CACNA1C: variants seen among roughly 807,000 people sequenced by gnomAD.
CACNA1C encodes voltage-dependent L-type calcium channel subunit alpha-1C.
Under a neutral mutation model 229.0 loss-of-function variants are expected in CACNA1C, and 30 were observed. The ratio of observed to expected loss-of-function variants is 0.13; its 90% confidence interval spans 0.10 to 0.18. The LOEUF is 0.18. Ranked by LOEUF, CACNA1C falls within the 10% of genes least tolerant of loss-of-function variation. The pLI, the probability that CACNA1C is intolerant of heterozygous loss-of-function variation, is 1.00. For synonymous variants in CACNA1C, 1,114 were observed against 1,132.5 expected (o/e 0.98, Z 0.33); for missense variants, 1,658 against 2,845.0 (o/e 0.58, Z 9.49).
chr12:2,409,886 A>G (rs981710336), intron 3 of CACNA1C, among the ~76,000 whole-genome samples: 45 of 152,208 alleles, frequency 3.0e-4, no homozygotes, highest in African/African-American at 9.9e-4. Flanking sequence ...AGTCCCTCTC[A>G]GGTCAGGGAG....
At chr12:2,299,589 C>G (rs2094393162) in intron 3 of CACNA1C, among the ~76,000 whole-genome samples, 1 of 152,146 alleles carries the variant, frequency 6.6e-6, no homozygotes, top group Non-Finnish European at 1.5e-5. Context: ...ATACAGATTC[C>G]TAGGCCTCAT....
chr12:2,340,934 G>A (rs6489365), intron 3 of CACNA1C, among the ~76,000 whole-genome samples: 22,700 of 151,312 alleles, frequency 0.15, 2,107 homozygotes, highest in African/African-American at 0.26. Context: ...CCCAGCCTGG[G>A]CGACAGAGTG....
chr12:2,004,628 T>G, intron 1 of CACNA1C: 1 of 720,224 alleles, frequency 1.4e-6, no homozygotes, highest in South Asian at 1.9e-5. Flanking sequence ...CCCCGCCCAC[T>G]GAGGATCGTT....
chr12:2,013,647 T>G (rs1301054627), intron 1 of CACNA1C, among the ~76,000 whole-genome samples: 4 of 152,208 alleles, frequency 2.6e-5, no homozygotes, highest in Non-Finnish European at 1.5e-5. Flanking sequence ...TTTCAGGACC[T>G]GTTGTGACTG....
intron 3 of CACNA1C, among the ~76,000 whole-genome samples, chr12:2,289,430 A>G (rs1239673101): frequency 1.3e-5 from 2 of 152,138 alleles, no homozygotes; most frequent in Non-Finnish European, 2.9e-5. Context: ...TCAGAAGCCC[A>G]TTTTCCTGTG....
Position 1,999,853 on chromosome 12 carries a change from C to T in CACNA1C, c.139+28652C>T, listed in dbSNP as rs572420643. Among the ~76,000 whole-genome samples, 15 of 152,336 alleles carry T rather than the reference C, an allele frequency of 9.8e-5. No individual in the cohort carries two copies. The East Asian group carries it at 2.9e-3, about 29-fold the overall frequency. ...ACTATGAAGTTTGTATAAATCACCA[C>T]AACATACTGTGAAACATATCCTTAT... is the stretch of plus-strand genomic sequence containing the variant. On this transcript the variant is annotated intron_variant, in intron 1 of 46. Transcript: ENST00000682462.
At chr12:2,418,887 G>A (rs1406122647) in intron 3 of CACNA1C, among the ~76,000 whole-genome samples, 1 of 152,150 alleles carries the variant, frequency 6.6e-6, no homozygotes, top group African/African-American at 2.4e-5. Context: ...GGGAGCTGAG[G>A]GGTTCTTTAC....
At chr12:2,492,004 G>T (rs1038363648) in intron 6 of CACNA1C, among the ~76,000 whole-genome samples, 1 of 150,864 alleles carries the variant, frequency 6.6e-6, no homozygotes, top group Non-Finnish European at 1.5e-5. Flanking sequence ...CTCTTTGGAA[G>T]TGTATTTTCA....
At chr12:2,115,716 C>T (rs571427295) in intron 2 of CACNA1C, among the ~76,000 whole-genome samples, 171 bp downstream of exon 2, 6 of 152,260 alleles carry the variant, frequency 3.9e-5, no homozygotes, top group African/African-American at 1.4e-4. Flanking sequence ...TTCTGGGCCC[C>T]GCCCTAGACT....
chr12:2,254,901 T>C (rs1028807189), intron 3 of CACNA1C, among the ~76,000 whole-genome samples: 1 of 152,220 alleles, frequency 6.6e-6, no homozygotes, highest in Non-Finnish European at 1.5e-5. Flanking sequence ...GTTGAGTCTC[T>C]GAAAGAGATT....
chr12:2,033,426 C>T (rs2048560218), intron 1 of CACNA1C, among the ~76,000 whole-genome samples: 2 of 152,150 alleles, frequency 1.3e-5, no homozygotes, highest in Non-Finnish European at 2.9e-5. Context: ...CAAACCCAGG[C>T]TATGTTTACA....
In CACNA1C at chr12:2,420,067, C is replaced by T. The variant is rs191894191; in HGVS notation, c.478-28909C>T. ...CTCACCCCTCTGGATGTCAGGACAA[C>T]GCAGCCAGACAGGGTAATCAGACTT... On this transcript the variant is annotated intron_variant, in intron 3 of 46. Coordinates refer to ENST00000399655, the MANE Select transcript of CACNA1C (RefSeq NM_000719.7). Among the ~76,000 whole-genome samples the T allele has an allele frequency of 6.7e-5, 10 of 149,418 alleles. No individual in the cohort carries two copies. In the East Asian group the frequency reaches 1.8e-3, roughly 26 times the overall value.
chr12:2,203,971 CA>C (rs2097679234), intron 3 of CACNA1C, among the ~76,000 whole-genome samples: 1 of 152,126 alleles, frequency 6.6e-6, no homozygotes, highest in Admixed American at 6.5e-5. Flanking sequence ...GTCTTTTGGA[CA>C]TTAAATGATG....
At chr12:2,191,629 C>G (rs2097217525) in intron 3 of CACNA1C, among the ~76,000 whole-genome samples, 1 of 151,786 alleles carries the variant, frequency 6.6e-6, no homozygotes, top group Non-Finnish European at 1.5e-5. Context: ...CATGCACTCA[C>G]AGGCACACAT....
At chr12:2,075,129 C>T (rs538003739) in intron 1 of CACNA1C, among the ~76,000 whole-genome samples, 35 of 152,336 alleles carry the variant, frequency 2.3e-4, no homozygotes, top group South Asian at 1.4e-3. Context: ...TTTTCACCCC[C>T]GCTCTCCTTA....
At chr12:2,004,184 C>G (rs1281907442) in intron 1 of CACNA1C, 1 of 1,535,736 alleles carries the variant, frequency 6.5e-7, no homozygotes, top group Admixed American at 1.9e-5. Context: ...AGGGCGTCAA[C>G]GTCTCCTCCC....
intron 1 of CACNA1C, among the ~76,000 whole-genome samples, chr12:2,081,502 T>C (rs948216595): frequency 6.7e-6 from 1 of 149,398 alleles, no homozygotes; most frequent in Admixed American, 6.7e-5. Flanking sequence ...ACCCGGGAGG[T>C]GGAGCTTGCA....
chr12:2,585,978 TGGCCATATA>T lies in CACNA1C; in HGVS notation c.2530+75_2530+83del. 1 of 850,576 alleles carries T rather than the reference TGGCCATATA, an allele frequency of 1.2e-6. No individual in the cohort carries two copies. The highest frequency in any genetic ancestry group is 1.8e-5 in the South Asian group (1 of 54,114). 52.7% of individuals were successfully genotyped at this position (850,576 alleles called of 1,614,324 possible). A position where few individuals can be genotyped will look rare whatever the true frequency, so the allele number is the denominator to read the frequency against. On this transcript the variant is annotated intron_variant, in intron 18 of 46. Coordinates refer to ENST00000399655, the MANE Select transcript of CACNA1C (RefSeq NM_000719.7). This position sits in a 1 kb window ranked among gnomAD's most constrained non-coding sequence, Gnocchi z 4.1. ...TCTAAATTCTAAAGCCACGTGGGAG[TGGCCATATA>T]TTAGGGACCATGGTTCCAGTGTCCC...
chr12:2,313,966 T>C (rs1243688072), intron 3 of CACNA1C, among the ~76,000 whole-genome samples: 1 of 152,112 alleles, frequency 6.6e-6, no homozygotes, highest in African/African-American at 2.4e-5. Flanking sequence ...CTCAGGAAAA[T>C]ATCAACAGCC....
Sources: allele counts gnomAD v4.1 joint callset (sites outside exome capture counted in the v4.1 genomes callset), GRCh38; gene constraint gnomAD v4.1.1; non-coding constraint Gnocchi (gnomAD v3.1); transcripts MANE v1.5; gene names NCBI Gene and HGNC (gene_info 2026-07-23, HGNC 2026-07-21).